Variants in SPAG16 observed in about 807,000 individuals in gnomAD.
SPAG16 encodes sperm-associated antigen 16 protein.
SPAG16 carries 86 observed loss-of-function variants against 80.4 expected under a neutral mutation model. That is an observed-to-expected ratio of 1.07 (90% CI 0.90 to 1.28). SPAG16 has a LOEUF of 1.28. SPAG16 is among the 50% of genes most tolerant of loss of function. SPAG16 has a pLI of 0.00. For synonymous variants in SPAG16, 294 were observed against 265.9 expected, an observed-to-expected ratio of 1.11 and a Z score of -1.03; for missense variants, 870 against 765.3, an observed-to-expected ratio of 1.14 and a Z score of -1.61.
intron 10 of SPAG16, among the ~76,000 whole-genome samples, chr2:213,773,082 G>T (rs957660550): frequency 4.7e-5 from 7 of 149,652 alleles, no homozygotes; most frequent in African/African-American, 1.7e-4. Context: ...TGATAATTTT[G>T]ATATATGCAT....
chr2:213,575,090 AT>A (rs2060077712), intron 10 of SPAG16, among the ~76,000 whole-genome samples: 1 of 152,172 alleles, frequency 6.6e-6, no homozygotes, highest in Non-Finnish European at 1.5e-5. Flanking sequence ...TCTATGAAAC[AT>A]TATTCATCAA....
rs556015032 is a variant in SPAG16 at position 213,702,760 on chromosome 2, T to G, written c.1071-159725T>G. Among the ~76,000 whole-genome samples, 8 of 152,262 alleles carry G rather than the reference T, an allele frequency of 5.3e-5. 1 individual carries two copies. Among genetic ancestry groups the G allele is most frequent in the African/African-American group, 1.9e-4 (8 of 41,522 alleles). ...TGACACATTAAAATCTCAAAATGTA[T>G]TTTATTTTGACTGTTCTTTGAAAAG... On this transcript the variant is annotated intron_variant, in intron 10 of 15. Transcript: ENST00000331683.
chr2:213,972,376 G>A (rs2045114726), intron 12 of SPAG16, among the ~76,000 whole-genome samples: 1 of 152,084 alleles, frequency 6.6e-6, no homozygotes, highest in Non-Finnish European at 1.5e-5. Flanking sequence ...CATGACTTCT[G>A]TCTGCAAGTT....
chr2:213,926,596 A>G (rs2078490507), intron 11 of SPAG16, among the ~76,000 whole-genome samples: 1 of 152,022 alleles, frequency 6.6e-6, no homozygotes, highest in African/African-American at 2.4e-5. Context: ...AATTTCAATA[A>G]TTTTATTTTT....
intron 10 of SPAG16, among the ~76,000 whole-genome samples, chr2:213,737,983 T>C (rs78801465): frequency 0.025 from 3,511 of 142,554 alleles, 133 homozygotes; most frequent in African/African-American, 0.08. Flanking sequence ...ATTCATTCAT[T>C]GAATTTCTTA....
At chr2:213,602,873 C>G (rs537784112) in intron 10 of SPAG16, among the ~76,000 whole-genome samples, 2 of 152,030 alleles carry the variant, frequency 1.3e-5, no homozygotes, top group Non-Finnish European at 1.5e-5. Context: ...AGAATGTATT[C>G]TCTGCTAGGT....
chr2:214,004,148 T>G (rs1387496295), intron 12 of SPAG16, among the ~76,000 whole-genome samples: 2 of 152,176 alleles, frequency 1.3e-5, no homozygotes, highest in African/African-American at 4.8e-5. Flanking sequence ...GGAGTTACTG[T>G]CAAAGATCAA....
In SPAG16 at chr2:214,161,142, C is replaced by T. The variant is rs111891160; in HGVS notation, c.1720+11876C>T. 9.2e-5 allele frequency among the ~76,000 whole-genome samples: 14 copies of T among 152,186 alleles called. 1 individual carries two copies. Among genetic ancestry groups the T allele is most frequent in the African/African-American group, 3.4e-4 (14 of 41,552 alleles). Reference sequence around the variant, plus strand: ...GCAAATAACATGATCTTGTTCCTTTCTATGGCTGCATAGTATTCCATGGTG... The same window carrying T: ...GCAAATAACATGATCTTGTTCCTTTTTATGGCTGCATAGTATTCCATGGTG... On this transcript the variant is annotated intron_variant, in intron 15 of 15. Transcript: ENST00000331683.
intron 5 of SPAG16, among the ~76,000 whole-genome samples, chr2:213,337,902 G>A (rs142535640): frequency 6.6e-6 from 1 of 152,016 alleles, no homozygotes; most frequent in African/African-American, 2.4e-5. Context: ...AGAAGATCAA[G>A]CAAAAGACAC....
chr2:213,775,961 T>C (rs4672684), intron 10 of SPAG16, among the ~76,000 whole-genome samples: 52,899 of 152,126 alleles, frequency 0.35, 10,566 homozygotes, highest in East Asian at 0.6. Flanking sequence ...ATAGCTATGA[T>C]TGCTTTCTTT....
At chr2:213,586,734 A>T (rs568462245) in intron 10 of SPAG16, among the ~76,000 whole-genome samples, 1 of 152,326 alleles carries the variant, frequency 6.6e-6, no homozygotes, top group South Asian at 2.1e-4. Context: ...GAATCTGTGA[A>T]ATCAGACCTG....
intron 10 of SPAG16, among the ~76,000 whole-genome samples, chr2:213,530,660 T>A (rs2076036415): frequency 6.6e-6 from 1 of 152,186 alleles, no homozygotes; most frequent in Non-Finnish European, 1.5e-5. Context: ...GCTGTAAGGC[T>A]ATTTTTTGAT....
chr2:214,159,326 T>C (rs2056345344), intron 15 of SPAG16, among the ~76,000 whole-genome samples: 1 of 152,016 alleles, frequency 6.6e-6, no homozygotes, highest in Admixed American at 6.6e-5. Flanking sequence ...AGTCATTAGA[T>C]TGAAAATCAA....
chr2:214,227,176 A>G (rs1364046781), intron 15 of SPAG16, among the ~76,000 whole-genome samples: 1 of 152,052 alleles, frequency 6.6e-6, no homozygotes, highest in Non-Finnish European at 1.5e-5. Context: ...CCTGATAATT[A>G]TTCCAATTAA....
intron 11 of SPAG16, among the ~76,000 whole-genome samples, chr2:213,929,037 T>C (rs1001560569): frequency 4.6e-5 from 6 of 131,808 alleles, no homozygotes; most frequent in African/African-American, 1.8e-4. Flanking sequence ...TTTTTAAGAC[T>C]GAGTCTTACT....
intron 8 of SPAG16, among the ~76,000 whole-genome samples, chr2:213,370,238 C>T (rs996116937): frequency 6.6e-6 from 1 of 152,038 alleles, no homozygotes; most frequent in African/African-American, 2.4e-5. Flanking sequence ...AATAAAAAGT[C>T]TAAAACTCAT....
chr2:214,071,374 C>T (rs557168590), intron 13 of SPAG16, among the ~76,000 whole-genome samples: 3 of 152,132 alleles, frequency 2.0e-5, no homozygotes, highest in South Asian at 2.1e-4. Context: ...TTCAGGCAGT[C>T]GGACTTCTCC....
chr2:214,072,216 A>G (rs777500518), intron 13 of SPAG16, among the ~76,000 whole-genome samples: 8 of 152,250 alleles, frequency 5.3e-5, no homozygotes, highest in Non-Finnish European at 1.2e-4. Flanking sequence ...CCTTTGAGAT[A>G]CTTTGACAGA....
At chr2:213,639,627 T>C (rs964366818) in intron 10 of SPAG16, among the ~76,000 whole-genome samples, 2 of 152,170 alleles carry the variant, frequency 1.3e-5, no homozygotes, top group African/African-American at 4.8e-5. Flanking sequence ...TCTGATACAT[T>C]TTCCTTTGTA....
Sources: gnomAD v4.1 joint callset for allele counts (sites outside exome capture counted in the v4.1 genomes callset) on GRCh38, gnomAD v4.1.1 for gene constraint, MANE v1.5 for transcripts, NCBI Gene and HGNC (gene_info 2026-07-23, HGNC 2026-07-21) for gene names.